SPTBN1: variants seen among roughly 807,000 people sequenced by gnomAD.
The protein encoded by SPTBN1 is spectrin beta chain, non-erythrocytic 1.
Under a neutral mutation model 266.4 loss-of-function variants are expected in SPTBN1, and 32 were observed. The observed-to-expected ratio is 0.12, with a 90% CI of 0.09 to 0.16. SPTBN1 has a LOEUF of 0.16. Among genes scored for constraint, SPTBN1 ranks in the 10% least tolerant of loss-of-function variants. The pLI, the probability that SPTBN1 is intolerant of heterozygous loss-of-function variation, is 1.00. For missense variants in SPTBN1, 2,296 were observed against 3,067.1 expected, an observed-to-expected ratio of 0.75 and a Z score of 5.94; for synonymous variants, 1,336 against 1,162.2, an observed-to-expected ratio of 1.15 and a Z score of -3.04.
chr2:54,618,316 G>T, intron 7 of SPTBN1, 123 bp downstream of exon 7: 1 of 841,028 alleles, frequency 1.2e-6, no homozygotes, highest in Non-Finnish European at 1.8e-6. Context: ...CTTAATTTTG[G>T]TTATGGGAAT....
At chr2:54,535,885 C>T (rs1671568093) in intron 2 of SPTBN1, among the ~76,000 whole-genome samples, 1 of 152,196 alleles carries the variant, frequency 6.6e-6, no homozygotes, top group Admixed American at 6.5e-5. Context: ...GTGGTGCACA[C>T]CTGTTACATG....
chr2:54,629,230 A>G lies in SPTBN1; in HGVS notation c.2096A>G (p.Lys699Arg). The change falls in exon 14 of 36, where the codon AAG becomes AGG. Residue 699 changes from lysine to arginine, a missense_variant. Physicochemically the swap from Lys to Arg is conservative, Grantham distance 26. Transcript: ENST00000356805. ...GRSGHFEQAIKEGEDMIAEEH... is the reference protein window; with the variant it reads ...GRSGHFEQAIREGEDMIAEEH... ...AGTGGCCACTTTGAGCAGGCCATCA[A>G]GGAAGGCGAAGACATGATCGCGGAG... 4 of 1,613,918 alleles carry G rather than the reference A, an allele frequency of 2.5e-6. No homozygotes were observed. The highest frequency in any genetic ancestry group is 3.4e-6 in the Non-Finnish European group (4 of 1,180,024).
At chr2:54,465,409 G>C (rs776824519) in intron 1 of SPTBN1, among the ~76,000 whole-genome samples, 1 of 151,960 alleles carries the variant, frequency 6.6e-6, no homozygotes, top group African/African-American at 2.4e-5. Context: ...GGTTTCAGTG[G>C]AATTGGTCAG....
chr2:54,495,376 T>C (rs919535468), intron 1 of SPTBN1, among the ~76,000 whole-genome samples: 1 of 152,112 alleles, frequency 6.6e-6, no homozygotes, highest in Non-Finnish European at 1.5e-5. Flanking sequence ...CTCAAATCTG[T>C]TTAAATCATA....
intron 2 of SPTBN1, among the ~76,000 whole-genome samples, chr2:54,539,855 T>C (rs1221877590): frequency 1.8e-5 from 1 of 55,930 alleles, no homozygotes; most frequent in East Asian, 3.6e-4. Flanking sequence ...GTGTACATTA[T>C]TGAAAACATT....
chr2:54,550,283 C>T (rs1406795337), intron 2 of SPTBN1, among the ~76,000 whole-genome samples: 2 of 152,174 alleles, frequency 1.3e-5, no homozygotes, highest in Non-Finnish European at 2.9e-5. Flanking sequence ...GGGCTGTGCC[C>T]AGCGAGTGGC....
intron 1 of SPTBN1, among the ~76,000 whole-genome samples, chr2:54,514,106 T>A (rs1281373804): frequency 2.0e-5 from 3 of 152,218 alleles, no homozygotes; most frequent in Non-Finnish European, 4.4e-5. Flanking sequence ...AAATAATAAA[T>A]CCATTTGTAA....
At chr2:54,643,624 T>TC (rs933981537) in intron 19 of SPTBN1, among the ~76,000 whole-genome samples, 2 of 151,666 alleles carry the variant, frequency 1.3e-5, no homozygotes, top group Admixed American at 6.6e-5. Context: ...GAATATGGAG[T>TC]CCCCCCCTTC....
intron 2 of SPTBN1, among the ~76,000 whole-genome samples, chr2:54,553,818 T>C (rs1015109707): frequency 3.3e-5 from 5 of 152,302 alleles, no homozygotes; most frequent in African/African-American, 9.6e-5. Context: ...GAAATGAACA[T>C]CTAAAGTTTA....
chr2:54,570,270 A>G (rs1277583404), intron 2 of SPTBN1, among the ~76,000 whole-genome samples: 1 of 152,206 alleles, frequency 6.6e-6, no homozygotes, highest in Non-Finnish European at 1.5e-5. Context: ...TTCAAGAGGC[A>G]CAAGACCTTT....
At chr2:54,462,572 T>C (rs1365473413) in intron 1 of SPTBN1, among the ~76,000 whole-genome samples, 3 of 152,226 alleles carry the variant, frequency 2.0e-5, no homozygotes, top group Non-Finnish European at 4.4e-5. Flanking sequence ...GGATACATTA[T>C]CTTGCCAGGA....
At chr2:54,541,619 A>G (rs975619249) in intron 2 of SPTBN1, among the ~76,000 whole-genome samples, 1 of 152,172 alleles carries the variant, frequency 6.6e-6, no homozygotes, top group Non-Finnish European at 1.5e-5. Context: ...TACGCAACAC[A>G]ATTATTGTCC....
At chr2:54,470,215 A>ACC (rs1190701149) in intron 1 of SPTBN1, among the ~76,000 whole-genome samples, 3 of 151,606 alleles carry the variant, frequency 2.0e-5, no homozygotes, top group Non-Finnish European at 2.9e-5. Flanking sequence ...TCAAAGGGAG[A>ACC]CTATTCTTGT....
At chr2:54,633,054 G>A (rs577163966) in intron 17 of SPTBN1, among the ~76,000 whole-genome samples, 1 of 152,276 alleles carries the variant, frequency 6.6e-6, no homozygotes, top group African/African-American at 2.4e-5. Context: ...GTGCTGCATC[G>A]CGATCAGGTG....
chr2:54,595,435 C>T (rs896454793), intron 2 of SPTBN1, among the ~76,000 whole-genome samples: 7 of 152,194 alleles, frequency 4.6e-5, no homozygotes, highest in Non-Finnish European at 8.8e-5. Flanking sequence ...GGTTTAGCTG[C>T]GTCAGCTTCT....
chr2:54,483,123 G>C (rs1573239822), intron 1 of SPTBN1, among the ~76,000 whole-genome samples: 1 of 152,166 alleles, frequency 6.6e-6, no homozygotes, highest in African/African-American at 2.4e-5. Flanking sequence ...CTGAGTATTG[G>C]GGTTAAACTA....
At chr2:54,512,132 A>G (rs1669887253) in intron 1 of SPTBN1, among the ~76,000 whole-genome samples, 2 of 152,168 alleles carry the variant, frequency 1.3e-5, no homozygotes, top group South Asian at 4.1e-4. Context: ...AGGTATAAGC[A>G]AACTATGGGG....
At chr2:54,572,279 T>G (rs997370800) in intron 2 of SPTBN1, among the ~76,000 whole-genome samples, 4 of 152,188 alleles carry the variant, frequency 2.6e-5, no homozygotes, top group African/African-American at 9.7e-5. Context: ...TAAGATGCAT[T>G]TACACTAATG....
intron 3 of SPTBN1, among the ~76,000 whole-genome samples, chr2:54,606,955 C>A (rs1241360162): frequency 6.6e-6 from 1 of 152,216 alleles, no homozygotes; most frequent in Non-Finnish European, 1.5e-5. Flanking sequence ...TTTCCTACCT[C>A]GTTAGATTGC....
Sources: gnomAD v4.1 joint callset for allele counts (sites outside exome capture counted in the v4.1 genomes callset) on GRCh38, gnomAD v4.1.1 for gene constraint, MANE v1.5 for transcripts, NCBI Gene and HGNC (gene_info 2026-07-23, HGNC 2026-07-21) for gene names.